Variants in SNTG2 observed in about 807,000 individuals in gnomAD.
SNTG2 encodes the protein gamma-2-syntrophin.
A neutral mutation model predicts 70.9 loss-of-function variants in SNTG2; 74 were observed. The observed-to-expected ratio is 1.04, with a 90% CI of 0.86 to 1.27. The LOEUF (loss-of-function observed/expected upper bound fraction) is 1.27. SNTG2 is among the 50% of genes most tolerant of loss of function. The pLI is 0.00. For missense variants in SNTG2, 717 were observed against 690.7 expected, an observed-to-expected ratio of 1.04 and a Z score of -0.43; for synonymous variants, 278 against 273.8, an observed-to-expected ratio of 1.02 and a Z score of -0.15.
intron 8 of SNTG2, among the ~76,000 whole-genome samples, chr2:1,203,673 A>ATATATATAT (rs1553355185): frequency 9.5e-5 from 11 of 115,516 alleles, no homozygotes; most frequent in African/African-American, 3.2e-4. Flanking sequence ...CAAAAAAAAA[A>ATATATATAT]ATATATATAT....
At chr2:1,038,760 A>C (rs953864886) in intron 1 of SNTG2, among the ~76,000 whole-genome samples, 16 of 152,188 alleles carry the variant, frequency 1.1e-4, no homozygotes, top group African/African-American at 3.9e-4. Flanking sequence ...TGGTAAATCA[A>C]GTAACTAAAG....
chr2:1,238,093 A>G, intron 10 of SNTG2, 76 bp downstream of exon 10: 2 of 1,494,730 alleles, frequency 1.3e-6, no homozygotes, highest in Non-Finnish European at 1.8e-6. Flanking sequence ...CATGTTTCTG[A>G]TGATTTATGA....
At chr2:1,314,834 C>A (rs1310736304) in intron 15 of SNTG2, among the ~76,000 whole-genome samples, 1 of 152,118 alleles carries the variant, frequency 6.6e-6, no homozygotes, top group Non-Finnish European at 1.5e-5. Flanking sequence ...TGGTGGCAGG[C>A]AAGAGAGAGT....
At chr2:1,307,778 T>A (rs549242085) in intron 14 of SNTG2, among the ~76,000 whole-genome samples, 46 of 152,348 alleles carry the variant, frequency 3.0e-4, no homozygotes, top group Non-Finnish European at 5.6e-4. Flanking sequence ...GCGAGTGCAT[T>A]GGCAGGTGTT....
At chr2:1,030,085 C>T (rs1660730400) in intron 1 of SNTG2, among the ~76,000 whole-genome samples, 1 of 152,186 alleles carries the variant, frequency 6.6e-6, no homozygotes, top group Non-Finnish European at 1.5e-5. Context: ...GGGATGCTTC[C>T]TTGCCCCTTC....
intron 8 of SNTG2, among the ~76,000 whole-genome samples, chr2:1,184,828 C>G (rs942269671): frequency 6.6e-6 from 1 of 152,180 alleles, no homozygotes; most frequent in African/African-American, 2.4e-5. Context: ...CCTTTGACCC[C>G]TGCCAAATCT....
At chr2:1,131,865 T>A (rs1230328037) in intron 4 of SNTG2, among the ~76,000 whole-genome samples, 1 of 152,096 alleles carries the variant, frequency 6.6e-6, no homozygotes, top group Non-Finnish European at 1.5e-5. Flanking sequence ...TTAGCCAGGA[T>A]GGTCTCGATC....
intron 1 of SNTG2, among the ~76,000 whole-genome samples, chr2:1,020,674 G>A (rs1411328225): frequency 6.6e-6 from 1 of 151,750 alleles, no homozygotes; most frequent in African/African-American, 2.4e-5. Flanking sequence ...TTTGTGTTTT[G>A]TTCTTGCTGA....
chr2:1,245,878 G>GT, intron 11 of SNTG2, among the ~76,000 whole-genome samples: 1 of 152,202 alleles, frequency 6.6e-6, no homozygotes, highest in Admixed American at 6.5e-5. Context: ...TGAAATTCCC[G>GT]TAATTCTCAC....
At chr2:1,127,250 TAA>T (rs561849294) in intron 4 of SNTG2, among the ~76,000 whole-genome samples, 1 of 148,588 alleles carries the variant, frequency 6.7e-6, no homozygotes, top group African/African-American at 2.5e-5. Flanking sequence ...GGTGCCTTTG[TAA>T]AAAAAAAAAT....
intron 9 of SNTG2, among the ~76,000 whole-genome samples, chr2:1,231,830 A>G (rs577208503): frequency 6.6e-6 from 1 of 151,954 alleles, no homozygotes; most frequent in African/African-American, 2.4e-5. Flanking sequence ...CAAAGCAAAC[A>G]CTCACGTGTG....
At chr2:1,163,747 T>C in intron 6 of SNTG2, 1 of 152,456 alleles carries the variant, frequency 6.6e-6, no homozygotes, top group Non-Finnish European at 1.5e-5. Flanking sequence ...GAGGCTGTCC[T>C]ATGAGGTCAA....
At chr2:1,170,651 C>A (rs760142980) in intron 7 of SNTG2, among the ~76,000 whole-genome samples, 11 of 152,160 alleles carry the variant, frequency 7.2e-5, no homozygotes, top group Non-Finnish European at 1.3e-4. Context: ...GGCATCGGTG[C>A]TGCATTCTCT....
At chr2:1,156,251 A>G (rs977697700) in intron 6 of SNTG2, among the ~76,000 whole-genome samples, 14 of 152,198 alleles carry the variant, frequency 9.2e-5, no homozygotes, top group Non-Finnish European at 1.8e-4. Flanking sequence ...CATGGGGCAG[A>G]GGCTCAAAGG....
At chr2:1,024,704 G>T (rs1361902045) in intron 1 of SNTG2, among the ~76,000 whole-genome samples, 1 of 152,106 alleles carries the variant, frequency 6.6e-6, no homozygotes, top group Non-Finnish European at 1.5e-5. Flanking sequence ...TATTGATTCT[G>T]AAATTTACCT....
rs1275559478 is a variant in SNTG2 at position 1,137,657 on chromosome 2, G to C, written c.361G>C (p.Val121Leu). 1.7e-5 allele frequency: 27 copies of C among 1,613,010 alleles called. No homozygotes were observed. The highest frequency in any genetic ancestry group is 2.2e-5 in the East Asian group (1 of 44,892). The part of the protein sequence containing the change: ...QTGMLFVGDA[V>L]LQVNGIHVEN... ...AGGGATGTTGTTCGTAGGAGATGCT[G>C]TTCTCCAGGTCAGTATTGTACACGT... The change falls in exon 5 of 17, where the codon GTT (valine) becomes CTT (leucine). Residue 121 changes from valine (V) to leucine (L), a missense_variant. Val to Leu is a conservative substitution (Grantham distance 32, BLOSUM62 1). Coordinates refer to ENST00000308624, the MANE Select transcript of SNTG2 (RefSeq NM_018968.4).
At chr2:1,040,854 C>T (rs1661396872) in intron 1 of SNTG2, among the ~76,000 whole-genome samples, 1 of 152,148 alleles carries the variant, frequency 6.6e-6, no homozygotes, top group African/African-American at 2.4e-5. Flanking sequence ...CAAAAATATG[C>T]CTGTGTGATG....
chr2:1,008,774 A>G (rs1030847135), intron 1 of SNTG2, among the ~76,000 whole-genome samples: 1 of 152,344 alleles, frequency 6.6e-6, no homozygotes, highest in South Asian at 2.1e-4. Flanking sequence ...TTGCTTTTCC[A>G]TAAAAATAAA....
chr2:1,109,948 G>A (rs926188982), intron 4 of SNTG2, among the ~76,000 whole-genome samples: 8 of 152,274 alleles, frequency 5.3e-5, no homozygotes, highest in Admixed American at 1.3e-4. Context: ...ATCGTTCAGC[G>A]CCAGGAAGTA....
Sources: allele counts gnomAD v4.1 joint callset (sites outside exome capture counted in the v4.1 genomes callset), GRCh38; gene constraint gnomAD v4.1.1; transcripts MANE v1.5; gene names NCBI Gene and HGNC (gene_info 2026-07-23, HGNC 2026-07-21).